FN1: variants seen among roughly 807,000 people sequenced by gnomAD.
The protein encoded by FN1 is fibronectin.
Under a neutral mutation model 297.3 loss-of-function variants are expected in FN1, and 106 were observed. The observed-to-expected ratio is 0.36, with a 90% CI of 0.30 to 0.42. The LOEUF (loss-of-function observed/expected upper bound fraction) is 0.42. Among genes scored for constraint, FN1 ranks in the 10% least tolerant of loss-of-function variants. The probability of loss-of-function intolerance (pLI) is 1.00; values close to 1 mark genes in which losing one functional copy is unlikely to be tolerated. For synonymous variants in FN1, 1,149 were observed against 1,152.6 expected (o/e 1.00, Z 0.06); for missense variants, 2,690 against 3,124.9 (o/e 0.86, Z 3.32).
chr2:215,397,529 C>G, intron 22 of FN1, 151 bp downstream of exon 22: 2 of 713,600 alleles, frequency 2.8e-6, no homozygotes, highest in South Asian at 1.7e-5. Context: ...ACCTGCTACT[C>G]CAAATTCAGG....
chr2:215,397,472 C>A (rs1462534029), intron 22 of FN1, among the ~76,000 whole-genome samples: 4 of 151,986 alleles, frequency 2.6e-5, no homozygotes, highest in Non-Finnish European at 4.4e-5. Context: ...ATATTCTTGA[C>A]ATGGAAAGAA....
rs754861847 is a variant in FN1 at position 215,365,532 on chromosome 2, C to T, written c.7117G>A (p.Gly2373Arg). 6 of 1,614,094 alleles carry T rather than the reference C, an allele frequency of 3.7e-6. No individual in the cohort carries two copies. The highest frequency in any genetic ancestry group is 3.3e-5 in the South Asian group (3 of 91,080). Residue 2373 changes from glycine to arginine, a missense_variant, in exon 43 of 46, where the codon GGA becomes AGA. Transcript: ENST00000354785. ...GGGTCACACTTGAATTCTCCTTTTC[C>T]GTTCCCAAGACATGTGCAGCTCATC... ...QMMSCTCLGNGKGEFKCDPHE... is the reference protein window; with the variant it reads ...QMMSCTCLGNRKGEFKCDPHE...
At chr2:215,412,817 C>G (rs570168990) in intron 13 of FN1, among the ~76,000 whole-genome samples, 108 of 107,536 alleles carry the variant, frequency 1.0e-3, no homozygotes, top group African/African-American at 3.8e-3. Context: ...TCTCAATTCT[C>G]TATTTTGAAA....
intron 41 of FN1, among the ~76,000 whole-genome samples, chr2:215,368,837 C>T (rs542675181): frequency 6.6e-6 from 1 of 152,130 alleles, no homozygotes; most frequent in African/African-American, 2.4e-5. Flanking sequence ...TTTGGAAAAG[C>T]TTATTTTAAA....
At position 215,414,550 on chromosome 2, in the gene FN1, A is replaced by G. The variant is rs17516906; in HGVS notation, c.1941+287T>C. Reference sequence around the variant, plus strand: ...GGCAAGAACAATCTTAAGCATTATCATTTCTAAGTCCTTGCAAAAAAGATT... The same window carrying G: ...GGCAAGAACAATCTTAAGCATTATCGTTTCTAAGTCCTTGCAAAAAAGATT... On this transcript the variant is annotated intron_variant, in intron 13 of 45. Coordinates refer to ENST00000354785, the MANE Select transcript of FN1 (RefSeq NM_212482.4). 22,661 of 443,918 alleles carry G rather than the reference A, an allele frequency of 0.051. 765 individuals carry two copies. The highest frequency in any genetic ancestry group is 0.11 in the South Asian group (1,615 of 15,260). The allele number at this position is 443,918 out of a possible 1,614,324, so 27.5% of individuals were successfully genotyped here.
rs893044271 is a variant in FN1 at position 215,431,731 on chromosome 2, T to C, written c.547+102A>G. On this transcript the variant is annotated intron_variant, in intron 4 of 45. Transcript: ENST00000354785. ...AAAATTCCCATTTCTTTATTGGTTT[T>C]CACTGGAATTCAGGTCTATGACCTA... is the stretch of plus-strand genomic sequence containing the variant. 1.4e-5 allele frequency: 16 copies of C among 1,178,456 alleles called. No homozygotes were observed. The African/African-American group carries it at 1.8e-4, about 13-fold the overall frequency. The allele number at this position is 1,178,456 out of a possible 1,614,324, so 73.0% of individuals were successfully genotyped here.
chr2:215,388,356 A>G (rs2059290792), intron 26 of FN1, 55 bp from the exon 27 acceptor site: 1 of 1,235,816 alleles, frequency 8.1e-7, no homozygotes, highest in Non-Finnish European at 1.2e-6. Flanking sequence ...ATGAGAAACT[A>G]AAGCACGCCC....
intron 20 of FN1, among the ~76,000 whole-genome samples, chr2:215,401,301 AAAGGAAGG>A (rs775381708): frequency 6.8e-6 from 1 of 146,908 alleles, no homozygotes; most frequent in African/African-American, 2.5e-5. Flanking sequence ...AGAGAGAGAG[AAAGGAAGG>A]AAGGAAGGAA....
At chr2:215,380,209 G>A (rs1270163149) in intron 33 of FN1, 1 of 153,388 alleles carries the variant, frequency 6.5e-6, no homozygotes, top group Admixed American at 6.5e-5. Context: ...CAATAATACA[G>A]ACTGTCACCT....
At chr2:215,399,399 G>A in intron 20 of FN1, 48 bp from the exon 21 acceptor site, 4 of 1,220,136 alleles carry the variant, frequency 3.3e-6, no homozygotes, top group Non-Finnish European at 4.9e-6. Context: ...ACTCACAGAT[G>A]ATTGCATAGC....
chr2:215,426,363 T>C (rs1426642687), intron 6 of FN1, among the ~76,000 whole-genome samples: 1 of 151,958 alleles, frequency 6.6e-6, no homozygotes, highest in Non-Finnish European at 1.5e-5. Flanking sequence ...TTAGCCAGGA[T>C]GGTCTCGATC....
At chr2:215,361,929 C>G (rs775645872) in intron 45 of FN1, 40 bp downstream of exon 45, 1 of 1,597,802 alleles carries the variant, frequency 6.3e-7, no homozygotes, top group Admixed American at 1.7e-5. Context: ...AAGAGACTGT[C>G]TAGTATGAGG....
At chr2:215,434,909 A>G in intron 1 of FN1, 85 bp from the exon 2 acceptor site, 1 of 1,423,536 alleles carries the variant, frequency 7.0e-7, no homozygotes, top group South Asian at 1.1e-5. Context: ...ATATTGACGT[A>G]CATATTTTTT....
At position 215,372,044 on chromosome 2, in the gene FN1, A is replaced by G; in HGVS notation, c.6579T>C (p.Gly2193=). The part of the protein sequence containing the change: ...EDVDYHLYPH[G]PGLNPNASTG... ...TAGAGGCATTTGGATTGAGTCCCGG[A>G]CCGTGTGGGTACAGGTGATAGTCTA... Residue 2193 remains glycine, a synonymous_variant, in exon 40 of 46, where the codon GGT becomes GGC. Transcript: ENST00000354785. 1 of 1,614,178 alleles carries G rather than the reference A, an allele frequency of 6.2e-7. No individual in the cohort carries two copies. Among genetic ancestry groups the G allele is most frequent in the African/African-American group, 1.3e-5 (1 of 75,044 alleles).
chr2:215,406,147 A>G (rs2061747943), intron 19 of FN1, 91 bp downstream of exon 19: 56 of 1,302,358 alleles, frequency 4.3e-5, no homozygotes, highest in Non-Finnish European at 6.1e-5. Context: ...TAAGCCATAC[A>G]CCTCTGAGTG....
At position 215,378,288 on chromosome 2, in the gene FN1, T is replaced by C. The variant is rs772400076; in HGVS notation, c.5623-26A>G. 4 of 1,287,950 alleles carry C rather than the reference T, an allele frequency of 3.1e-6. No homozygotes were observed. The South Asian group carries it at 4.7e-5, about 15-fold the overall frequency. The allele number at this position is 1,287,950 out of a possible 1,614,324, so 79.8% of individuals were successfully genotyped here. A position where few individuals can be genotyped will look rare whatever the true frequency, so the allele number is the denominator to read the frequency against. On this transcript the variant is annotated intron_variant, in intron 34 of 45. Coordinates refer to ENST00000354785, the MANE Select transcript of FN1 (RefSeq NM_212482.4). ...CTAGAGAAATAAGGGCATGGTGAGCTTTAGCAACGTCCTCAACTGAAACCC... is the reference window on the plus strand; with the variant it reads ...CTAGAGAAATAAGGGCATGGTGAGCCTTAGCAACGTCCTCAACTGAAACCC...
At chr2:215,418,652 T>C (rs1283166434) in intron 12 of FN1, among the ~76,000 whole-genome samples, 1 of 152,214 alleles carries the variant, frequency 6.6e-6, no homozygotes, top group Non-Finnish European at 1.5e-5. Flanking sequence ...CTAGGCATGA[T>C]GTCTTTGTGA....
chr2:215,422,476 G>C (rs558142612), intron 9 of FN1, among the ~76,000 whole-genome samples: 1 of 152,054 alleles, frequency 6.6e-6, no homozygotes, highest in African/African-American at 2.4e-5. Context: ...GGAAGGGTTA[G>C]GGGATGTTAA....
intron 12 of FN1, among the ~76,000 whole-genome samples, chr2:215,415,975 C>G (rs1292274562): frequency 1.3e-5 from 2 of 152,120 alleles, no homozygotes; most frequent in East Asian, 3.8e-4. Flanking sequence ...AACTGACACT[C>G]TGTCAAACAG....
Sources: allele counts gnomAD v4.1 joint callset (sites outside exome capture counted in the v4.1 genomes callset), GRCh38; gene constraint gnomAD v4.1.1; transcripts MANE v1.5; gene names NCBI Gene and HGNC (gene_info 2026-07-23, HGNC 2026-07-21).